The following SLC25A36 variants were observed in gnomAD, a reference collection of about 807,000 sequenced individuals.
SLC25A36 encodes epididymis secretory sperm binding protein.
In SLC25A36, 24 loss-of-function variants were observed where a neutral mutation model predicts 35.3. That is an observed-to-expected ratio of 0.68 (90% confidence interval 0.49 to 0.96). The LOEUF (loss-of-function observed/expected upper bound fraction) is 0.96, where lower values mean the gene tolerates loss of function less well. Among genes scored for constraint, SLC25A36 ranks in the 40% least tolerant of loss-of-function variants. The pLI, the probability that SLC25A36 is intolerant of heterozygous loss-of-function variation, is 0.00. For missense variants in SLC25A36, 294 were observed against 381.1 expected (o/e 0.77, Z 1.90); for synonymous variants, 141 against 132.2 (o/e 1.07, Z -0.46).
chr3:140,953,324 T>G lies in SLC25A36; in HGVS notation c.42-3203T>G, dbSNP rs181980828. ...AGTTCTACTTAATTTTGTTTCAGAT[T>G]TGCTATAATCCTACTACTTTTTGTC... On this transcript the variant is annotated intron_variant, in intron 1 of 6. Coordinates refer to ENST00000324194, the MANE Select transcript of SLC25A36 (RefSeq NM_001104647.3). Among the ~76,000 whole-genome samples, 133 of 152,092 alleles carry G rather than the reference T, an allele frequency of 8.7e-4. 1 individual carries two copies. Among genetic ancestry groups the G allele is most frequent in the Middle Eastern group, 3.4e-3 (1 of 294 alleles).
intron 6 of SLC25A36, 49 bp downstream of exon 6, chr3:140,974,054 A>G: frequency 7.9e-7 from 1 of 1,258,124 alleles, no homozygotes; most frequent in Non-Finnish European, 1.1e-6. Context: ...ACCCCAGCCA[A>G]CAGCTCACTT....
rs369365651 is a variant in SLC25A36, at chr3:140,965,344, A to T, written c.385+2117A>T. 40 of 151,844 alleles carry T rather than the reference A, an allele frequency of 2.6e-4. 1 individual carries two copies. The highest frequency in any genetic ancestry group is 9.6e-4 in the African/African-American group (40 of 41,510). The allele number at this position is 151,844 out of a possible 1,614,324, so 9.4% of individuals were successfully genotyped here. A position where few individuals can be genotyped will look rare whatever the true frequency, so the allele number is the denominator to read the frequency against. ...TTGGGGGTATGAAGTACTTAAAGAT[A>T]GTTCTGTGAAAAATCATTTTCAGCT... On this transcript the variant is annotated intron_variant, in intron 4 of 6. Coordinates refer to ENST00000324194, the MANE Select transcript of SLC25A36 (RefSeq NM_001104647.3).
chr3:140,976,316 A>G lies in SLC25A36; in HGVS notation c.799A>G (p.Thr267Ala). The G allele has an allele frequency of 6.2e-7, 1 of 1,612,674 alleles. No homozygotes were observed. The highest frequency in any genetic ancestry group is 8.5e-7 in the Non-Finnish European group (1 of 1,179,506). The change falls in exon 7 of 7, where the codon ACT (threonine) becomes GCT (alanine). Residue 267 changes from threonine to alanine, a missense_variant. Thr to Ala is a moderately conservative substitution (Grantham distance 58, BLOSUM62 0). Transcript: ENST00000324194. The part of the protein sequence containing the change: ...EGTKYRSFFQ[T>A]LSLLVQEEGY... ...AACAAAATACAGATCTTTTTTTCAG[A>G]CTCTATCTTTGCTTGTTCAAGAAGA...
At chr3:140,959,424 G>C in intron 2 of SLC25A36, 39 bp from the exon 3 acceptor site, 1 of 1,107,218 alleles carries the variant, frequency 9.0e-7, no homozygotes, top group South Asian at 1.6e-5. Context: ...ACCAGACTTT[G>C]AAAGATATTT....
chr3:140,970,843 T>C (rs1934881510), intron 4 of SLC25A36, 84 bp from the exon 5 acceptor site: 4 of 675,034 alleles, frequency 5.9e-6, no homozygotes, highest in South Asian at 5.3e-5. Context: ...TTCTTGAATG[T>C]AGATTTATCT....
rs139849047 is a variant in SLC25A36, at chr3:140,944,882, G to C, written c.41+2787G>C. On this transcript the variant is annotated intron_variant, in intron 1 of 6. Transcript: ENST00000324194. The stretch of plus-strand genomic sequence containing the variant: ...ATTTGTTAAATTATTTCACCTGTTT[G>C]CTTGAAGATCAGGGCAGAAGTAGAA... 1.7e-3 allele frequency among the ~76,000 whole-genome samples: 252 copies of C among 152,216 alleles called. 3 individuals are homozygous for C. The East Asian group carries it at 0.019, about 12-fold the overall frequency.
At chr3:140,948,670 A>G (rs1934233710) in intron 1 of SLC25A36, among the ~76,000 whole-genome samples, 2 of 152,232 alleles carry the variant, frequency 1.3e-5, no homozygotes, top group South Asian at 2.1e-4. Context: ...ATCAGAAAAT[A>G]TTTTGTTCAT....
intron 1 of SLC25A36, among the ~76,000 whole-genome samples, chr3:140,949,370 A>G (rs1392412565): frequency 1.3e-5 from 2 of 152,226 alleles, no homozygotes; most frequent in Admixed American, 6.5e-5. Context: ...GACTTGATAA[A>G]CTTACTGTAC....
In SLC25A36 at chr3:140,977,972, CAG is replaced by C. The variant is rs1388365107; in HGVS notation, c.*1520_*1521del. ...ACATTGGTCACGTATTAGGCAGAAA[CAG>C]TGTTCATAACATTTTTCTGGGTTTT... On this transcript the variant is annotated 3_prime_UTR_variant, in exon 7 of 7. Transcript: ENST00000324194. 6.6e-6 allele frequency: 1 copy of C among 150,796 alleles called. No individual in the cohort carries two copies. The highest frequency in any genetic ancestry group is 6.6e-5 in the Admixed American group (1 of 15,104). The allele number at this position is 150,796 out of a possible 1,614,324, so 9.3% of individuals were successfully genotyped here. A position where few individuals can be genotyped will look rare whatever the true frequency, so the allele number is the denominator to read the frequency against.
chr3:140,977,941 A>AT lies in SLC25A36; in HGVS notation c.*1488_*1489insT, dbSNP rs1935092217. The AT allele has an allele frequency of 6.6e-6, 1 of 151,928 alleles. No homozygotes were observed. The highest frequency in any genetic ancestry group is 1.5e-5 in the Non-Finnish European group (1 of 67,950). 9.4% of individuals were successfully genotyped at this position (151,928 alleles called of 1,614,324 possible). The stretch of plus-strand genomic sequence containing the variant: ...TACCATGTTAAGATTAAAAAAAAAA[A>AT]CAAAAACATTGGTCACGTATTAGGC... On this transcript the variant is annotated 3_prime_UTR_variant, in exon 7 of 7. Coordinates refer to ENST00000324194, the MANE Select transcript of SLC25A36 (RefSeq NM_001104647.3).
intron 1 of SLC25A36, among the ~76,000 whole-genome samples, chr3:140,947,941 A>G (rs1208818445): frequency 1.3e-5 from 2 of 150,816 alleles, no homozygotes; most frequent in African/African-American, 4.9e-5. Flanking sequence ...GGGAGAGTCT[A>G]CGTGGTTTTT....
At chr3:140,969,267 G>GT (rs886238271) in intron 4 of SLC25A36, among the ~76,000 whole-genome samples, 2 of 151,726 alleles carry the variant, frequency 1.3e-5, no homozygotes, top group African/African-American at 4.8e-5. Context: ...ATAGTTTCAT[G>GT]TTTTTCTTTT....
At chr3:140,960,824 A>C (rs1299807107) in intron 3 of SLC25A36, among the ~76,000 whole-genome samples, 2 of 152,242 alleles carry the variant, frequency 1.3e-5, no homozygotes, top group African/African-American at 2.4e-5. Flanking sequence ...AGGAACTAAT[A>C]ACTAAAGGAA....
At chr3:140,968,376 G>A (rs1290840240) in intron 4 of SLC25A36, 1 of 879,844 alleles carries the variant, frequency 1.1e-6, no homozygotes, top group African/African-American at 1.8e-5. Flanking sequence ...CTCTCATTGG[G>A]AGAGTTGAGC....
intron 4 of SLC25A36, among the ~76,000 whole-genome samples, chr3:140,969,199 C>G (rs1266376435): frequency 6.6e-6 from 1 of 151,766 alleles, no homozygotes; most frequent in Admixed American, 6.6e-5. Flanking sequence ...AAATAATACT[C>G]TATAACTTTA....
Position 140,956,526 on chromosome 3 carries a change from G to A in SLC25A36, c.42-1G>A. ...GTGTTCTTTTTTTTTTTTTTTTTTA[G>A]ATGTGGTGGTACAGTGGGAGCTATT... is the stretch of plus-strand genomic sequence containing the variant. On this transcript the variant is annotated splice_acceptor_variant, in intron 1 of 6. Coordinates refer to ENST00000324194, the MANE Select transcript of SLC25A36 (RefSeq NM_001104647.3). LOFTEE classifies it high-confidence loss of function. 2 of 1,470,662 alleles carry A rather than the reference G, an allele frequency of 1.4e-6. No homozygotes were observed. Among genetic ancestry groups the A allele is most frequent in the South Asian group, 1.4e-5 (1 of 73,632 alleles). 91.1% of individuals were successfully genotyped at this position (1,470,662 alleles called of 1,614,324 possible).
intron 1 of SLC25A36, among the ~76,000 whole-genome samples, chr3:140,947,018 G>A (rs1402825131): frequency 2.6e-5 from 4 of 152,076 alleles, no homozygotes; most frequent in African/African-American, 4.8e-5. Flanking sequence ...GAAGAGGAAT[G>A]AGGAGAAGAG....
chr3:140,952,708 ATTG>A (rs550818836), intron 1 of SLC25A36, among the ~76,000 whole-genome samples: 66 of 152,152 alleles, frequency 4.3e-4, no homozygotes, highest in South Asian at 8.3e-4. Context: ...TGTTTTTACC[ATTG>A]TTGTTTTGTT....
In SLC25A36 at chr3:140,956,680, T is replaced by C; in HGVS notation, c.195T>C (p.Leu65=). 6.2e-7 allele frequency: 1 copy of C among 1,609,996 alleles called. No homozygotes were observed. The highest frequency in any genetic ancestry group is 1.1e-5 in the South Asian group (1 of 90,156). The change falls in exon 2 of 7, where the codon CTT becomes CTC. Residue 65 remains leucine (L), a synonymous_variant. Coordinates refer to ENST00000324194, the MANE Select transcript of SLC25A36 (RefSeq NM_001104647.3). Reference sequence around the variant, plus strand: ...ACCGAGTAGTGTCTCCCGGACCTCTTCATTGCCTAAAGTGAGAGCATAGTA... The same window carrying C: ...ACCGAGTAGTGTCTCCCGGACCTCTCCATTGCCTAAAGTGAGAGCATAGTA... ...SVNRVVSPGP[L]HCLKVILEKE... is the part of the protein sequence containing the mutation.
Sources: allele counts gnomAD v4.1 joint callset (sites outside exome capture counted in the v4.1 genomes callset), GRCh38; gene constraint gnomAD v4.1.1; transcripts MANE v1.5; gene names NCBI Gene and HGNC (gene_info 2026-07-23, HGNC 2026-07-21).